NBPF14: variants seen among roughly 807,000 people sequenced by gnomAD.
NBPF14 encodes the protein NBPF member 14.
Under a neutral mutation model 91.2 loss-of-function variants are expected in NBPF14, and 104 were observed. The ratio of observed to expected loss-of-function variants is 1.14; its 90% confidence interval spans 0.97 to 1.34. The LOEUF is 1.34. Among genes scored for constraint, NBPF14 ranks in the 40% most tolerant of loss-of-function variants. The pLI is 0.00. For synonymous variants in NBPF14, 294 were observed against 303.8 expected (o/e 0.97, Z 0.34); for missense variants, 908 against 783.0 (o/e 1.16, Z -1.91).
exon 17 of NBPF14, chr1:148,575,805 G>C (rs1659582989): frequency 3.3e-6 from 1 of 307,242 alleles, no homozygotes; most frequent in South Asian, 2.3e-5. Flanking sequence ...GCAGCTCCCT[G>C]CTGAGCCTGG....
intron 16 of NBPF14, 90 bp from the exon 17 acceptor site, chr1:148,575,901 G>A (rs1192864873): frequency 1.9e-5 from 6 of 317,278 alleles, no homozygotes; most frequent in Non-Finnish European, 3.3e-5. Flanking sequence ...ATAAGGAACT[G>A]TTTAAAAAGA....
intron 37 of NBPF14, among the ~76,000 whole-genome samples, chr1:148,559,543 T>A (rs1173253708): frequency 8.3e-6 from 1 of 120,922 alleles, no homozygotes; most frequent in African/African-American, 4.5e-5. Flanking sequence ...TCTGCCCAGG[T>A]CCAATGTCAT....
At chr1:148,559,729 T>A (rs1290198148) in intron 37 of NBPF14, 64 bp downstream of exon 37, 1 of 859,102 alleles carries the variant, frequency 1.2e-6, no homozygotes, top group Non-Finnish European at 1.9e-6. Flanking sequence ...CCACTTGCAG[T>A]AGGAATATGA....
intron 36 of NBPF14, among the ~76,000 whole-genome samples, chr1:148,560,216 TTGGCCAGGTGACATAC>T (rs1308052267): frequency 7.3e-5 from 11 of 151,006 alleles, no homozygotes; most frequent in Non-Finnish European, 1.5e-4. Flanking sequence ...ACCTAGTGAA[TTGGCCAGGTGACATAC>T]TGGTAAGGGA....
intron 34 of NBPF14, among the ~76,000 whole-genome samples, chr1:148,561,818 C>CAGAGAGAGAGAG (rs1192573908): frequency 7.8e-6 from 1 of 128,798 alleles, no homozygotes; most frequent in African/African-American, 4.0e-5. Context: ...CACACACACA[C>CAGAGAGAGAGAG]AGAGAGAGAG....
At position 148,539,266 on chromosome 1, in the gene NBPF14, G is replaced by A. The variant is rs1243836064; in HGVS notation, c.7882+144C>T. 9.7e-6 allele frequency: 6 copies of A among 621,594 alleles called. 1 individual carries two copies. Among genetic ancestry groups the A allele is most frequent in the Admixed American group, 4.2e-5 (2 of 47,936 alleles). 38.5% of individuals were successfully genotyped at this position (621,594 alleles called of 1,614,324 possible). On this transcript the variant is annotated intron_variant, in intron 63 of 70. Coordinates refer to ENST00000619423, the Ensembl canonical transcript of NBPF14. ...GTCTAGGCTTCCAACTGAGACTACA[G>A]TTTCTTTACAACCTATATGCGCCCA...
chr1:148,539,522 T>C, exon 63 of NBPF14: 1 of 289,414 alleles, frequency 3.5e-6, no homozygotes, highest in Non-Finnish European at 5.9e-6. Context: ...TCGAATAACA[T>C]CTATCCAGTG....
At chr1:148,559,461 A>T (rs1260455943) in intron 37 of NBPF14, among the ~76,000 whole-genome samples, 1 of 131,724 alleles carries the variant, frequency 7.6e-6, no homozygotes, top group Non-Finnish European at 1.5e-5. Flanking sequence ...AGACGCTGAA[A>T]TTAGAGTGAA....
chr1:148,534,462 C>A (rs1296816834), intron 69 of NBPF14, among the ~76,000 whole-genome samples: 1 of 151,650 alleles, frequency 6.6e-6, no homozygotes, highest in Non-Finnish European at 1.5e-5. Context: ...ATCAGGGCGC[C>A]ACAGGTATGG....
exon 17 of NBPF14, chr1:148,575,711 A>T: frequency 1.3e-5 from 3 of 223,048 alleles, no homozygotes; most frequent in South Asian, 7.3e-5. Context: ...GGCTGGCCTA[A>T]GTCAGGCAGT....
At chr1:148,572,860 A>T (rs1659359881) in intron 20 of NBPF14, among the ~76,000 whole-genome samples, 1 of 31,410 alleles carries the variant, frequency 3.2e-5, no homozygotes, top group Admixed American at 3.2e-4. Flanking sequence ...TGACCTAGTG[A>T]ATTGGCCAGG....
At chr1:148,559,804 A>C (rs1205120776) in exon 37 of NBPF14, 1 of 1,522,046 alleles carries the variant, frequency 6.6e-7, no homozygotes, top group Non-Finnish European at 8.8e-7. Context: ...ATCCATGTCA[A>C]CAGCCAAGCC....
intron 28 of NBPF14, among the ~76,000 whole-genome samples, 185 bp from the exon 29 acceptor site, chr1:148,566,500 G>GA (rs1294139397): frequency 8.3e-6 from 1 of 120,148 alleles, no homozygotes; most frequent in East Asian, 3.0e-4. Context: ...GAATGAAAGA[G>GA]AAAGACAGAC....
At chr1:148,535,177 G>C (rs1490249868) in intron 68 of NBPF14, among the ~76,000 whole-genome samples, 2 of 150,078 alleles carry the variant, frequency 1.3e-5, no homozygotes, top group African/African-American at 2.5e-5. Context: ...ATCATGAAAA[G>C]AGGGGGCTCA....
chr1:148,579,122 A>G, exon 13 of NBPF14: 1 of 501,220 alleles, frequency 2.0e-6, no homozygotes, highest in South Asian at 2.0e-5. Flanking sequence ...AATGAGTGAA[A>G]TGTGCTGCTG....
Position 148,578,970 on chromosome 1 carries a change from G to T in NBPF14, c.1801+104C>A, listed in dbSNP as rs1660509761. ...CATTGATATATAGGTTCAGCCCACG[G>T]TGATGGCAAATCTCAGCCCAACAAG... On this transcript the variant is annotated intron_variant, in intron 13 of 70. Transcript: ENST00000619423. 17 of 660,638 alleles carry T rather than the reference G, an allele frequency of 2.6e-5. 1 individual carries two copies. Among genetic ancestry groups the T allele is most frequent in the South Asian group, 2.2e-4 (14 of 63,214 alleles). The allele number at this position is 660,638 out of a possible 1,614,324, so 40.9% of individuals were successfully genotyped here.
chr1:148,559,684 C>A (rs1241646048), intron 37 of NBPF14, 109 bp downstream of exon 37: 22 of 674,122 alleles, frequency 3.3e-5, no homozygotes, highest in South Asian at 1.7e-4. Context: ...TATAGGTCCT[C>A]CCTGTGGCAA....
At chr1:148,533,869 T>C in exon 70 of NBPF14, 3 of 763,958 alleles carry the variant, frequency 3.9e-6, no homozygotes, top group South Asian at 2.7e-5. Context: ...ACCTGGGGCA[T>C]GGTGGGTTTT....
chr1:148,575,749 C>T, exon 17 of NBPF14: 1 of 277,172 alleles, frequency 3.6e-6, no homozygotes. Flanking sequence ...AGTCGAATAA[C>T]ATCTATCCAG....
Sources: gnomAD v4.1 joint callset for allele counts (sites outside exome capture counted in the v4.1 genomes callset) on GRCh38, gnomAD v4.1.1 for gene constraint, MANE v1.5 for transcripts, NCBI Gene and HGNC (gene_info 2026-07-23, HGNC 2026-07-21) for gene names.